Variants in RABGAP1L observed in about 807,000 individuals in gnomAD.
RABGAP1L encodes the protein rab GTPase-activating protein 1-like.
Under a neutral mutation model 137.7 loss-of-function variants are expected in RABGAP1L, and 63 were observed. The ratio of observed to expected loss-of-function variants is 0.46; its 90% confidence interval spans 0.37 to 0.56. The LOEUF is 0.56. Ranked by LOEUF, RABGAP1L falls within the 20% of genes least tolerant of loss-of-function variation. RABGAP1L has a pLI of 0.00. For synonymous variants in RABGAP1L, 431 were observed against 433.7 expected (o/e 0.99, Z 0.08); for missense variants, 1,095 against 1,244.0 (o/e 0.88, Z 1.80).
At chr1:174,571,223 A>G (rs1667956119) in intron 13 of RABGAP1L, among the ~76,000 whole-genome samples, 1 of 152,152 alleles carries the variant, frequency 6.6e-6, no homozygotes, top group Admixed American at 6.6e-5. Context: ...AAATCAAAAC[A>G]ATTGAACTCA....
At chr1:174,914,491 G>T (rs1221918249) in intron 19 of RABGAP1L, among the ~76,000 whole-genome samples, 3 of 152,138 alleles carry the variant, frequency 2.0e-5, no homozygotes, top group Admixed American at 2.0e-4. Flanking sequence ...AAGCAGAGTG[G>T]ATACTGAAGT....
chr1:174,269,808 C>G (rs10798309), intron 7 of RABGAP1L, among the ~76,000 whole-genome samples: 42,198 of 151,882 alleles, frequency 0.28, 6,445 homozygotes, highest in African/African-American at 0.39. Flanking sequence ...ACTTATTTTC[C>G]CCCCCACTAT....
intron 19 of RABGAP1L, chr1:174,849,956 A>G (rs561084390): frequency 4.2e-6 from 3 of 707,366 alleles, no homozygotes; most frequent in East Asian, 4.4e-5. Flanking sequence ...GATCTTTGGA[A>G]TCAACATACA....
chr1:174,983,733 A>C (rs998612533), intron 24 of RABGAP1L, among the ~76,000 whole-genome samples: 1 of 152,246 alleles, frequency 6.6e-6, no homozygotes, highest in Non-Finnish European at 1.5e-5. Flanking sequence ...AAGATAATGA[A>C]TATAAAGTAC....
chr1:174,956,678 C>T (rs1449343282), intron 19 of RABGAP1L, among the ~76,000 whole-genome samples: 2 of 145,696 alleles, frequency 1.4e-5, no homozygotes, highest in African/African-American at 2.6e-5. Flanking sequence ...GACTGAGTCT[C>T]GCTCTATCAC....
intron 11 of RABGAP1L, among the ~76,000 whole-genome samples, chr1:174,349,517 C>T (rs1682846919): frequency 7.7e-6 from 1 of 129,968 alleles, no homozygotes; most frequent in Non-Finnish European, 1.7e-5. Context: ...CTCCTCACTT[C>T]CCAGTAGGGG....
chr1:174,378,775 A>T (rs1480149955), intron 12 of RABGAP1L, among the ~76,000 whole-genome samples: 2 of 141,444 alleles, frequency 1.4e-5, no homozygotes, highest in Non-Finnish European at 3.1e-5. Context: ...TGCTGTGCAG[A>T]AGCTCTTTAG....
intron 19 of RABGAP1L, among the ~76,000 whole-genome samples, chr1:174,927,552 C>T (rs553402245): frequency 2.0e-5 from 3 of 152,152 alleles, no homozygotes; most frequent in East Asian, 1.9e-4. Flanking sequence ...TTTTTAAAGA[C>T]GTTTTAGAGA....
chr1:174,256,076 C>T (rs1442651451), intron 7 of RABGAP1L, among the ~76,000 whole-genome samples: 7 of 152,174 alleles, frequency 4.6e-5, no homozygotes, highest in Non-Finnish European at 1.0e-4. Context: ...TAATAATATC[C>T]TTTCCCCCAC....
intron 13 of RABGAP1L, among the ~76,000 whole-genome samples, chr1:174,438,642 C>T (rs1475182682): frequency 6.7e-6 from 1 of 150,260 alleles, no homozygotes; most frequent in Non-Finnish European, 1.5e-5. Flanking sequence ...CACTTGAACC[C>T]AGGAGGCGGA....
rs151186171 is a variant in RABGAP1L at position 174,529,923 on chromosome 1, A to T, written c.1711-107452A>T. On this transcript the variant is annotated intron_variant, in intron 13 of 25. Coordinates refer to ENST00000681986, the MANE Select transcript of RABGAP1L (RefSeq NM_001366446.1). ...CCAACAATGGTGGACTGGGCTGGGT[A>T]CTCCCCTGACCCCCAGACTCTGCTC... Among the ~76,000 whole-genome samples, 582 of 151,848 alleles carry T rather than the reference A, an allele frequency of 3.8e-3. 5 individuals carry two copies. Among genetic ancestry groups the T allele is most frequent in the African/African-American group, 0.012 (503 of 41,416 alleles).
At chr1:174,896,951 A>G (rs547769027) in intron 19 of RABGAP1L, 1 of 152,180 alleles carries the variant, frequency 6.6e-6, no homozygotes, top group Non-Finnish European at 1.5e-5. Flanking sequence ...ATGAACTTTA[A>G]AATAGTTTTT....
At chr1:174,186,126 A>G (rs1446651468) in intron 1 of RABGAP1L, among the ~76,000 whole-genome samples, 3 of 151,636 alleles carry the variant, frequency 2.0e-5, no homozygotes, top group Non-Finnish European at 2.9e-5. Flanking sequence ...CCTGGGCAAC[A>G]AGAGCGAAAT....
In RABGAP1L at chr1:174,873,453, A is replaced by G. The variant is rs147743889; in HGVS notation, c.2340+61493A>G. On this transcript the variant is annotated intron_variant, in intron 19 of 25. Transcript: ENST00000681986. ...GGTGACGTGATGAGAATATTCAACA[A>G]GTAGAATATGAGATATAGGAAAAAG... Among the ~76,000 whole-genome samples the G allele has an allele frequency of 2.2e-4, 34 of 151,746 alleles. No homozygotes were observed. In the East Asian group the frequency reaches 6.6e-3, roughly 29 times the overall value.
intron 11 of RABGAP1L, among the ~76,000 whole-genome samples, chr1:174,349,044 CGGGG>C (rs551877098): frequency 9.7e-6 from 1 of 102,842 alleles, no homozygotes; most frequent in Non-Finnish European, 2.0e-5. Flanking sequence ...GCTGGCCGGG[CGGGG>C]GGGGGGCTGA....
At chr1:174,501,215 T>TC (rs2147760067) in intron 13 of RABGAP1L, among the ~76,000 whole-genome samples, 1 of 149,462 alleles carries the variant, frequency 6.7e-6, no homozygotes, top group South Asian at 2.1e-4. Context: ...CTTTGTTTAC[T>TC]CTTTTTTTTT....
At chr1:174,675,907 C>T (rs1280885436) in intron 14 of RABGAP1L, among the ~76,000 whole-genome samples, 1 of 151,824 alleles carries the variant, frequency 6.6e-6, no homozygotes, top group Non-Finnish European at 1.5e-5. Flanking sequence ...GATTTGTATT[C>T]TTATTCATAT....
chr1:174,874,920 T>G (rs543520100), intron 19 of RABGAP1L, among the ~76,000 whole-genome samples: 1 of 152,226 alleles, frequency 6.6e-6, no homozygotes, highest in East Asian at 1.9e-4. Context: ...AAAGTAAACT[T>G]TAAGGAACAT....
chr1:174,646,118 G>A (rs1674948972), intron 14 of RABGAP1L, among the ~76,000 whole-genome samples: 1 of 151,864 alleles, frequency 6.6e-6, no homozygotes, highest in Non-Finnish European at 1.5e-5. Flanking sequence ...ATTAGCCCTT[G>A]GTCAGATGGA....
Sources: allele counts gnomAD v4.1 joint callset (sites outside exome capture counted in the v4.1 genomes callset), GRCh38; gene constraint gnomAD v4.1.1; transcripts MANE v1.5; gene names NCBI Gene and HGNC (gene_info 2026-07-23, HGNC 2026-07-21).